ADAMTSL1: variants seen among roughly 807,000 people sequenced by gnomAD.
The protein encoded by ADAMTSL1 is ADAMTS-like protein 1.
In ADAMTSL1, 126 loss-of-function variants were observed where a neutral mutation model predicts 201.8. The ratio of observed to expected loss-of-function variants is 0.62; its 90% CI spans 0.54 to 0.72. The LOEUF is 0.72. Among genes scored for constraint, ADAMTSL1 ranks in the 30% least tolerant of loss-of-function variants. The pLI is 0.00. For synonymous variants in ADAMTSL1, 1,121 were observed against 903.4 expected (o/e 1.24, Z -4.32); for missense variants, 2,679 against 2,277.8 (o/e 1.18, Z -3.59).
intron 1 of ADAMTSL1, among the ~76,000 whole-genome samples, chr9:17,940,313 G>A (rs899302303): frequency 6.6e-6 from 1 of 152,084 alleles, no homozygotes; most frequent in African/African-American, 2.4e-5. Context: ...GTGTTCCAAA[G>A]ATCCAGGAGA....
At chr9:18,737,409 T>C (rs749254224) in intron 15 of ADAMTSL1, among the ~76,000 whole-genome samples, 1 of 149,984 alleles carries the variant, frequency 6.7e-6, no homozygotes, top group Non-Finnish European at 1.5e-5. Context: ...GGATGGATCA[T>C]ATCACTTCAC....
intron 1 of ADAMTSL1, among the ~76,000 whole-genome samples, chr9:17,965,439 C>A (rs1164767577): frequency 1.3e-5 from 2 of 152,090 alleles, no homozygotes; most frequent in African/African-American, 4.8e-5. Context: ...GAATTTCTGG[C>A]ATTGTGGAAT....
At chr9:18,137,035 T>C (rs1027790777) in intron 1 of ADAMTSL1, among the ~76,000 whole-genome samples, 4 of 151,920 alleles carry the variant, frequency 2.6e-5, no homozygotes, top group Non-Finnish European at 5.9e-5. Flanking sequence ...AGCAAGACAT[T>C]TGAGAGATTA....
At chr9:18,268,807 T>A (rs114936538) in intron 2 of ADAMTSL1, among the ~76,000 whole-genome samples, 1,671 of 152,266 alleles carry the variant, frequency 0.011, 29 homozygotes, top group African/African-American at 0.039. Flanking sequence ...TTCTTGAGAT[T>A]GGAAATAAAA....
At chr9:18,878,285 C>T (rs1252088557) in intron 23 of ADAMTSL1, among the ~76,000 whole-genome samples, 1 of 152,228 alleles carries the variant, frequency 6.6e-6, no homozygotes, top group Non-Finnish European at 1.5e-5. Flanking sequence ...TCCCTGTTAA[C>T]CCCCCTCCCC....
chr9:18,112,894 A>G (rs1825086848), intron 1 of ADAMTSL1, among the ~76,000 whole-genome samples: 1 of 152,148 alleles, frequency 6.6e-6, no homozygotes, highest in Non-Finnish European at 1.5e-5. Flanking sequence ...TGTCAGAGGG[A>G]TACTGAGGAT....
At chr9:18,128,558 G>A (rs1364314489) in intron 1 of ADAMTSL1, among the ~76,000 whole-genome samples, 5 of 152,158 alleles carry the variant, frequency 3.3e-5, no homozygotes, top group South Asian at 4.2e-4. Context: ...CAATCTGCCC[G>A]CCTCAGCCTC....
At chr9:18,687,201 G>T (rs991387367) in intron 13 of ADAMTSL1, among the ~76,000 whole-genome samples, 3 of 152,172 alleles carry the variant, frequency 2.0e-5, no homozygotes, top group Non-Finnish European at 2.9e-5. Flanking sequence ...TGTGTTTAGT[G>T]CACTGCACCC....
intron 20 of ADAMTSL1, among the ~76,000 whole-genome samples, chr9:18,800,377 C>CAAAAAAAAAA (rs58346548): frequency 3.0e-4 from 18 of 60,670 alleles, no homozygotes; most frequent in African/African-American, 8.3e-4. Context: ...AACTCCATCT[C>CAAAAAAAAAA]AAAAAAAAAA....
chr9:18,149,683 G>A (rs1053221358), intron 1 of ADAMTSL1, among the ~76,000 whole-genome samples: 5 of 152,116 alleles, frequency 3.3e-5, no homozygotes, highest in African/African-American at 9.6e-5. Context: ...CACATGTCAC[G>A]CCAGAGAGAT....
chr9:18,419,188 A>T (rs987580516), intron 2 of ADAMTSL1, among the ~76,000 whole-genome samples: 6 of 152,204 alleles, frequency 3.9e-5, no homozygotes, highest in African/African-American at 1.4e-4. Flanking sequence ...CCTTATGCAA[A>T]AATTAACTCA....
At chr9:18,580,665 T>G (rs1034537271) in intron 4 of ADAMTSL1, among the ~76,000 whole-genome samples, 1 of 152,178 alleles carries the variant, frequency 6.6e-6, no homozygotes, top group Admixed American at 6.5e-5. Context: ...TAAAATTGAT[T>G]AAGATCTCTT....
upstream of ADAMTSL1, among the ~76,000 whole-genome samples, chr9:18,469,726 C>T (rs1045683155): frequency 2.0e-5 from 3 of 152,216 alleles, no homozygotes; most frequent in African/African-American, 4.8e-5. Flanking sequence ...AGCATGGTTA[C>T]AAGAAAAACC....
At chr9:18,170,032 A>G (rs1216804541) in intron 2 of ADAMTSL1, among the ~76,000 whole-genome samples, 1 of 152,138 alleles carries the variant, frequency 6.6e-6, no homozygotes, top group East Asian at 1.9e-4. Context: ...GAGTTATATG[A>G]TATTACAAAG....
intron 2 of ADAMTSL1, among the ~76,000 whole-genome samples, chr9:18,330,882 T>G (rs1364808035): frequency 2.0e-5 from 3 of 152,242 alleles, no homozygotes; most frequent in Non-Finnish European, 4.4e-5. Context: ...ACCAGTTACA[T>G]GCCAGGGACT....
Position 18,721,662 on chromosome 9 carries a change from C to G in ADAMTSL1, c.2003C>G (p.Ala668Gly). Residue 668 changes from alanine (A) to glycine (G), a missense_variant, in exon 15 of 29, where the codon GCA (alanine) becomes GGA (glycine). Ala to Gly is a moderately conservative substitution (Grantham distance 60, BLOSUM62 0). Transcript: ENST00000380548. ...TCCTGCAATTTGGATCCCTGCCCAGCAAGGTAAGGGATGTGTGGCCTGCCC... is the reference window on the plus strand; with the variant it reads ...TCCTGCAATTTGGATCCCTGCCCAGGAAGGTAAGGGATGTGTGGCCTGCCC... ...LKSCNLDPCP[A>G]RWEIGKWSPC... 2 of 1,613,714 alleles carry G rather than the reference C, an allele frequency of 1.2e-6. No homozygotes were observed. Among genetic ancestry groups the G allele is most frequent in the Non-Finnish European group, 1.7e-6 (2 of 1,179,738 alleles).
chr9:18,446,242 T>A (rs1433813124), intron 2 of ADAMTSL1, among the ~76,000 whole-genome samples: 1 of 152,146 alleles, frequency 6.6e-6, no homozygotes, highest in East Asian at 1.9e-4. Context: ...TGGGCTTAAG[T>A]CTAAGATGAA....
intron 1 of ADAMTSL1, among the ~76,000 whole-genome samples, chr9:17,997,079 G>T (rs1045782402): frequency 6.6e-6 from 1 of 152,082 alleles, no homozygotes; most frequent in Non-Finnish European, 1.5e-5. Context: ...GGGCAGTTCT[G>T]TATTCCATTG....
upstream of ADAMTSL1, among the ~76,000 whole-genome samples, chr9:18,473,163 A>G (rs1227604794): frequency 6.6e-6 from 1 of 152,192 alleles, no homozygotes; most frequent in Non-Finnish European, 1.5e-5. Flanking sequence ...CCTTTTCTGC[A>G]TTATAACAGC....
Sources: gnomAD v4.1 joint callset for allele counts (sites outside exome capture counted in the v4.1 genomes callset) on GRCh38, gnomAD v4.1.1 for gene constraint, MANE v1.5 for transcripts, NCBI Gene and HGNC (gene_info 2026-07-23, HGNC 2026-07-21) for gene names.